LARGE1: variants seen among roughly 807,000 people sequenced by gnomAD.
LARGE1 encodes LARGE xylosyl- and glucuronyltransferase 1.
In LARGE1, 43 loss-of-function variants were observed where a neutral mutation model predicts 87.6. That is an observed-to-expected ratio of 0.49 (90% CI 0.38 to 0.63). LARGE1 has a LOEUF of 0.63. Among genes scored for constraint, LARGE1 ranks in the 30% least tolerant of loss-of-function variants. LARGE1 has a pLI of 0.00. For synonymous variants in LARGE1, 434 were observed against 394.6 expected, an observed-to-expected ratio of 1.10 and a Z score of -1.18; for missense variants, 802 against 1,000.2, an observed-to-expected ratio of 0.80 and a Z score of 2.67.
chr22:33,741,574 G>A (rs2145530723), intron 2 of LARGE1, among the ~76,000 whole-genome samples: 1 of 152,342 alleles, frequency 6.6e-6, no homozygotes, highest in Non-Finnish European at 1.5e-5. Flanking sequence ...GCCAACAACT[G>A]CACCCAACAC....
intron 6 of LARGE1, among the ~76,000 whole-genome samples, chr22:33,450,132 G>A (rs1313505305): frequency 6.6e-6 from 1 of 151,814 alleles, no homozygotes; most frequent in Non-Finnish European, 1.5e-5. Flanking sequence ...GGCTGGTCTC[G>A]AACTCCTGAT....
chr22:33,665,432 A>T (rs2081241269), intron 2 of LARGE1, among the ~76,000 whole-genome samples: 2 of 152,210 alleles, frequency 1.3e-5, no homozygotes, highest in African/African-American at 4.8e-5. Context: ...AACGCAGGTG[A>T]ATACAAGCAA....
intron 2 of LARGE1, among the ~76,000 whole-genome samples, chr22:33,742,480 C>T (rs897667571): frequency 6.6e-6 from 1 of 152,192 alleles, no homozygotes; most frequent in Admixed American, 6.5e-5. Flanking sequence ...CCTTACTTGG[C>T]ATACCAGCCC....
chr22:33,357,454 A>C (rs1027315259), intron 9 of LARGE1, among the ~76,000 whole-genome samples: 2 of 152,206 alleles, frequency 1.3e-5, no homozygotes, highest in Non-Finnish European at 2.9e-5. Flanking sequence ...CTTCATCACT[A>C]TGTAATATAT....
At chr22:33,692,007 A>C (rs958516451) in intron 2 of LARGE1, among the ~76,000 whole-genome samples, 2 of 152,226 alleles carry the variant, frequency 1.3e-5, no homozygotes, top group Admixed American at 1.3e-4. Context: ...TTTTGTGCCA[A>C]AAGGCTACCA....
In LARGE1 at chr22:33,377,170, G is replaced by GC. The variant is rs2065018496; in HGVS notation, c.1131+4748dup. ...AACCCTGACAAATAGAACCAGGAAT[G>GC]CCATGGAAAGAGGCTTTTCTTCCAC... On this transcript the variant is annotated intron_variant, in intron 9 of 14. Transcript: ENST00000397394. 3.9e-5 allele frequency among the ~76,000 whole-genome samples: 6 copies of GC among 152,332 alleles called. No homozygotes were observed. In the South Asian group the frequency reaches 1.2e-3, roughly 32 times the overall value.
At chr22:33,888,787 G>A (rs1601856361) in intron 1 of LARGE1, among the ~76,000 whole-genome samples, 1 of 151,990 alleles carries the variant, frequency 6.6e-6, no homozygotes, top group Non-Finnish European at 1.5e-5. Flanking sequence ...AACCCAGGAG[G>A]CAGAGGTTGC....
intron 9 of LARGE1, among the ~76,000 whole-genome samples, chr22:33,372,119 A>C (rs1251681232): frequency 6.6e-6 from 1 of 152,168 alleles, no homozygotes. Context: ...ACACTCATCA[A>C]ATGTCTGGGT....
the LARGE1 span, among the ~76,000 whole-genome samples, chr22:33,152,736 A>C: frequency 6.6e-6 from 1 of 152,046 alleles, no homozygotes; most frequent in Non-Finnish European, 1.5e-5. Flanking sequence ...GTTTCTTTTT[A>C]TTTTGCAGTA....
chr22:33,413,097 C>A (rs1446920269), intron 7 of LARGE1, among the ~76,000 whole-genome samples: 1 of 151,976 alleles, frequency 6.6e-6, no homozygotes, highest in East Asian at 1.9e-4. Flanking sequence ...TCCTTTATAA[C>A]AAATGTGAAT....
intron 6 of LARGE1, among the ~76,000 whole-genome samples, chr22:33,535,285 T>A (rs183015282): frequency 1.1e-3 from 160 of 152,318 alleles, no homozygotes; most frequent in Admixed American, 1.7e-3. Context: ...GGCTCATGCC[T>A]GTAATCCCAG....
At chr22:33,826,842 A>G (rs73171927) in intron 1 of LARGE1, among the ~76,000 whole-genome samples, 2,203 of 152,144 alleles carry the variant, frequency 0.014, 23 homozygotes, top group Middle Eastern at 0.037. Context: ...CTCATTTTTT[A>G]AAAAAACAAT....
chr22:33,536,983 G>A (rs2077061477), intron 6 of LARGE1, among the ~76,000 whole-genome samples: 1 of 152,120 alleles, frequency 6.6e-6, no homozygotes, highest in Non-Finnish European at 1.5e-5. Context: ...GGCTAATTTT[G>A]TATTTTTAGT....
At chr22:33,132,849 C>G in the LARGE1 span, among the ~76,000 whole-genome samples, 1 of 152,164 alleles carries the variant, frequency 6.6e-6, no homozygotes, top group Non-Finnish European at 1.5e-5. Flanking sequence ...GTGCATGTAA[C>G]ATACACTTTT....
Position 33,373,871 on chromosome 22 carries a change from G to A in LARGE1, c.1131+8048C>T, listed in dbSNP as rs550081235. ...CGCTTGTAGTTCCAGCTACTCGGGA[G>A]GCTGAGGCAGGAGAATCACTTGAAC... On this transcript the variant is annotated intron_variant, in intron 9 of 14. Coordinates refer to ENST00000397394, the MANE Select transcript of LARGE1 (RefSeq NM_133642.5). Among the ~76,000 whole-genome samples, 34 of 151,444 alleles carry A rather than the reference G, an allele frequency of 2.2e-4. 1 individual carries two copies. In the South Asian group the frequency reaches 6.9e-3, roughly 31 times the overall value.
intron 11 of LARGE1, among the ~76,000 whole-genome samples, chr22:33,260,000 G>A (rs1206981223): frequency 2.6e-5 from 4 of 152,022 alleles, no homozygotes; most frequent in South Asian, 2.1e-4. Flanking sequence ...TCCCATTATC[G>A]AGCAGTTTCA....
At chr22:33,284,416 T>TA (rs1396872198) in intron 12 of LARGE1, among the ~76,000 whole-genome samples, 1 of 152,138 alleles carries the variant, frequency 6.6e-6, no homozygotes, top group Non-Finnish European at 1.5e-5. Context: ...AAGAGAAAGT[T>TA]AAAGTCTTGC....
chr22:33,907,569 C>CTTT (rs34936785), intron 1 of LARGE1, among the ~76,000 whole-genome samples: 12 of 146,174 alleles, frequency 8.2e-5, no homozygotes, highest in Admixed American at 3.4e-4. Context: ...GAAGACATTT[C>CTTT]TTTTTTTTTT....
At position 33,907,184 on chromosome 22, in the gene LARGE1, C is replaced by A. The variant is rs374658345; in HGVS notation, c.-83+12811G>T. Among the ~76,000 whole-genome samples the A allele has an allele frequency of 9.2e-5, 14 of 152,254 alleles. No homozygotes were observed. In the East Asian group the frequency reaches 2.7e-3, roughly 29 times the overall value. On this transcript the variant is annotated intron_variant, in intron 1 of 14. Transcript: ENST00000397394. ...CACAAACCTTCTGATAAGCCCAGGG[C>A]TCCTCTGTCACTCCTCTGTGATTTG... is the stretch of plus-strand genomic sequence containing the variant.
Sources: gnomAD v4.1 joint callset for allele counts (sites outside exome capture counted in the v4.1 genomes callset) on GRCh38, gnomAD v4.1.1 for gene constraint, MANE v1.5 for transcripts, NCBI Gene and HGNC (gene_info 2026-07-23, HGNC 2026-07-21) for gene names.